Variants in ATP2A2 observed in about 807,000 individuals in gnomAD.
ATP2A2 encodes the protein ATPase sarcoplasmic/endoplasmic reticulum Ca2+ transporting 2.
In ATP2A2, 14 loss-of-function variants were observed where a neutral mutation model predicts 109.3. The observed-to-expected ratio is 0.13, with a 90% CI of 0.08 to 0.20. The LOEUF (loss-of-function observed/expected upper bound fraction) is 0.20. Among genes scored for constraint, ATP2A2 ranks in the 10% least tolerant of loss-of-function variants. The pLI, the probability that ATP2A2 is intolerant of heterozygous loss-of-function variation, is 1.00. For synonymous variants in ATP2A2, 506 were observed against 490.9 expected, an observed-to-expected ratio of 1.03 and a Z score of -0.41; for missense variants, 657 against 1,321.6, an observed-to-expected ratio of 0.50 and a Z score of 7.80.
chr12:110,328,071 A>C, intron 8 of ATP2A2, 54 bp downstream of exon 8: 7 of 1,544,882 alleles, frequency 4.5e-6, no homozygotes, highest in Non-Finnish European at 6.2e-6. Context: ...TCATCCTACC[A>C]ATATGCCTTC....
At chr12:110,326,496 G>GT (rs1877816735) in intron 7 of ATP2A2, 21 bp downstream of exon 7, 3 of 1,585,110 alleles carry the variant, frequency 1.9e-6, no homozygotes, top group Non-Finnish European at 2.6e-6. Flanking sequence ...TATGAAATGT[G>GT]TTTTTATTTA....
intron 5 of ATP2A2, among the ~76,000 whole-genome samples, chr12:110,310,152 CTT>C (rs113324660): frequency 3.5e-5 from 5 of 144,128 alleles, no homozygotes; most frequent in African/African-American, 7.6e-5. Context: ...TTTCTTTTTC[CTT>C]TTTTTTTTTT....
At chr12:110,293,080 C>CT (rs898718123) in intron 4 of ATP2A2, among the ~76,000 whole-genome samples, 4 of 151,716 alleles carry the variant, frequency 2.6e-5, no homozygotes, top group African/African-American at 7.3e-5. Flanking sequence ...TGAAGTAGAC[C>CT]TTTTTTTTGT....
intron 5 of ATP2A2, 103 bp downstream of exon 5, chr12:110,296,840 T>A: frequency 7.6e-7 from 1 of 1,312,448 alleles, no homozygotes; most frequent in Non-Finnish European, 1.1e-6. Flanking sequence ...TTTTCATGTA[T>A]CAATTAACAC....
chr12:110,313,177 A>G (rs1000811521), intron 5 of ATP2A2, among the ~76,000 whole-genome samples: 5 of 152,028 alleles, frequency 3.3e-5, no homozygotes, highest in African/African-American at 1.2e-4. Flanking sequence ...ATTTCCTGTA[A>G]TCACCTCCTC....
intron 5 of ATP2A2, among the ~76,000 whole-genome samples, chr12:110,297,653 C>G (rs760952436): frequency 6.6e-6 from 1 of 151,726 alleles, no homozygotes; most frequent in African/African-American, 2.4e-5. Flanking sequence ...GAGTCTCACT[C>G]TGTTACCCGG....
intron 5 of ATP2A2, 148 bp downstream of exon 5, chr12:110,296,885 T>C: frequency 9.8e-7 from 1 of 1,016,992 alleles, no homozygotes; most frequent in Non-Finnish European, 1.4e-6. Context: ...CTACATTCTC[T>C]AAAATTATTT....
chr12:110,333,372 T>G, intron 10 of ATP2A2, 89 bp downstream of exon 10: 1 of 1,263,124 alleles, frequency 7.9e-7, no homozygotes, highest in East Asian at 2.3e-5. Context: ...CTTCCTCCCT[T>G]TTGAAAGTCA....
intron 11 of ATP2A2, among the ~76,000 whole-genome samples, chr12:110,336,412 A>C (rs1878850975): frequency 6.6e-6 from 1 of 152,194 alleles, no homozygotes; most frequent in East Asian, 1.9e-4. Context: ...AAGCCCTTTC[A>C]TCCCTTCCTG....
chr12:110,311,716 T>C (rs1592825100), intron 5 of ATP2A2, among the ~76,000 whole-genome samples: 2 of 135,236 alleles, frequency 1.5e-5, no homozygotes, highest in South Asian at 2.3e-4. Context: ...TTGTAAAATA[T>C]GAAAAGAGAA....
chr12:110,294,201 GC>G (rs1046282748), intron 4 of ATP2A2, among the ~76,000 whole-genome samples: 5 of 151,806 alleles, frequency 3.3e-5, no homozygotes, highest in Non-Finnish European at 7.4e-5. Flanking sequence ...CCACCACCAC[GC>G]CCAGCTAATT....
intron 11 of ATP2A2, among the ~76,000 whole-genome samples, chr12:110,338,715 A>G (rs762093283): frequency 9.9e-5 from 15 of 152,154 alleles, no homozygotes; most frequent in Admixed American, 3.3e-4. Context: ...CCTTCAGCCA[A>G]TTCTTGACAA....
Position 110,348,954 on chromosome 12 carries a change from T to A in ATP2A2, c.*2484T>A, listed in dbSNP as rs1880141433. 2.0e-6 allele frequency: 2 copies of A among 985,488 alleles called. No individual in the cohort carries two copies. Among genetic ancestry groups the A allele is most frequent in the Non-Finnish European group, 2.4e-6 (2 of 829,974 alleles). 61.0% of individuals were successfully genotyped at this position (985,488 alleles called of 1,614,324 possible). A position where few individuals can be genotyped will look rare whatever the true frequency, so the allele number is the denominator to read the frequency against. On this transcript the variant is annotated 3_prime_UTR_variant, in exon 20 of 20. Transcript: ENST00000539276. ...CAAACAAAACTCAGCTTTTCCTGAC[T>A]CAGTTCCTTGACTTAGTGGCCTTTA...
intron 11 of ATP2A2, among the ~76,000 whole-genome samples, chr12:110,334,944 A>G (rs571709120): frequency 2.0e-5 from 3 of 152,270 alleles, no homozygotes; most frequent in East Asian, 3.9e-4. Flanking sequence ...CCAAAGGTCA[A>G]TGTGGTGATG....
At chr12:110,294,135 C>T (rs1342313651) in intron 4 of ATP2A2, among the ~76,000 whole-genome samples, 1 of 151,870 alleles carries the variant, frequency 6.6e-6, no homozygotes, top group Non-Finnish European at 1.5e-5. Flanking sequence ...GCTCCGCCTC[C>T]CGGGCTCACG....
rs1164022649 is a variant in ATP2A2 at position 110,348,284 on chromosome 12, C to T, written c.*1814C>T. On this transcript the variant is annotated 3_prime_UTR_variant, in exon 20 of 20. Transcript: ENST00000539276. ...ACTCCCCCACCCCCCCTTGCTTGGT[C>T]TTGTCCTTGGTGGCTAAGACTTAGC... The T allele has an allele frequency of 1.1e-6, 1 of 943,100 alleles. No homozygotes were observed. The highest frequency in any genetic ancestry group is 1.3e-6 in the Non-Finnish European group (1 of 794,260). The allele number at this position is 943,100 out of a possible 1,614,324, so 58.4% of individuals were successfully genotyped here.
At position 110,296,517 on chromosome 12, in the gene ATP2A2, C is replaced by T. The variant is rs1287425738; in HGVS notation, c.325-82C>T. 9 of 1,563,994 alleles carry T rather than the reference C, an allele frequency of 5.8e-6. No individual in the cohort carries two copies. The East Asian group carries it at 6.7e-5, about 12-fold the overall frequency. On this transcript the variant is annotated intron_variant, in intron 4 of 19. Transcript: ENST00000539276. ...GCTTCCTTTCTTTTTAAAGATTAGA[C>T]CTCTAACATTTTATTCCTTGGGTTA...
At chr12:110,281,999 C>T in intron 1 of ATP2A2, 92 bp downstream of exon 1, 1 of 1,017,492 alleles carries the variant, frequency 9.8e-7, no homozygotes, top group Non-Finnish European at 1.4e-6. Flanking sequence ...GGCTTCGGCT[C>T]CGCGCCCGCC....
Position 110,348,436 on chromosome 12 carries a change from T to G in ATP2A2, c.*1966T>G, listed in dbSNP as rs1274251588. On this transcript the variant is annotated 3_prime_UTR_variant, in exon 20 of 20. Coordinates refer to ENST00000539276, the MANE Select transcript of ATP2A2 (RefSeq NM_170665.4). ...CAAAATGTACTTAGGCTCTGGTTAC[T>G]GGGATGGCCAGTAGATGTAATGCAG... 1.0e-6 allele frequency: 1 copy of G among 985,466 alleles called. No individual in the cohort carries two copies. The allele number at this position is 985,466 out of a possible 1,614,324, so 61.0% of individuals were successfully genotyped here.
Sources: gnomAD v4.1 joint callset for allele counts (sites outside exome capture counted in the v4.1 genomes callset) on GRCh38, gnomAD v4.1.1 for gene constraint, MANE v1.5 for transcripts, NCBI Gene and HGNC (gene_info 2026-07-23, HGNC 2026-07-21) for gene names.